Variants in ARHGAP10 observed in about 807,000 individuals in gnomAD.
The protein encoded by ARHGAP10 is rho GTPase-activating protein 10.
In ARHGAP10, 87 loss-of-function variants were observed where a neutral mutation model predicts 108.6. The ratio of observed to expected loss-of-function variants is 0.80; its 90% CI spans 0.67 to 0.96. The LOEUF is 0.96. Ranked by LOEUF, ARHGAP10 falls within the 40% of genes least tolerant of loss-of-function variation. ARHGAP10 has a pLI of 0.00. For synonymous variants in ARHGAP10, 347 were observed against 341.1 expected, an observed-to-expected ratio of 1.02 and a Z score of -0.19; for missense variants, 939 against 954.5, an observed-to-expected ratio of 0.98 and a Z score of 0.21.
chr4:148,056,567 C>G (rs1394503533), intron 20 of ARHGAP10, among the ~76,000 whole-genome samples: 1 of 151,712 alleles, frequency 6.6e-6, no homozygotes, highest in Non-Finnish European at 1.5e-5. Flanking sequence ...CACCCCACCT[C>G]CGGCTCTTAG....
chr4:148,046,564 T>C (rs1728893682), intron 19 of ARHGAP10, among the ~76,000 whole-genome samples: 1 of 152,218 alleles, frequency 6.6e-6, no homozygotes, highest in Non-Finnish European at 1.5e-5. Context: ...TGCTTGGAGC[T>C]ATTCTTGATT....
intron 3 of ARHGAP10, among the ~76,000 whole-genome samples, chr4:147,829,170 C>G (rs563176702): frequency 6.6e-6 from 1 of 152,180 alleles, no homozygotes; most frequent in South Asian, 2.1e-4. Context: ...CCTGCCTCAG[C>G]CTCCCGAGTA....
Position 147,881,932 on chromosome 4 carries a change from G to A in ARHGAP10, c.1034G>A (p.Arg345Gln), listed in dbSNP as rs759250334. The change falls in exon 10 of 23, where the codon CGG becomes CAG. Residue 345 changes from arginine to glutamine, a missense_variant and splice_region_variant. Coordinates refer to ENST00000336498, the MANE Select transcript of ARHGAP10 (RefSeq NM_024605.4). ...RFCFDIEAADRPGVSLTMQAF... is the reference protein window; with the variant it reads ...RFCFDIEAADQPGVSLTMQAF... ...TGTTTTGACATAGAAGCTGCTGATC[G>A]GTAAGTTATTGGAATTATTGGACAT... 1.5e-5 allele frequency: 25 copies of A among 1,613,356 alleles called. No individual in the cohort carries two copies. Among genetic ancestry groups the A allele is most frequent in the African/African-American group, 2.7e-5 (2 of 74,866 alleles).
chr4:147,941,434 G>C (rs1424493175), intron 14 of ARHGAP10, among the ~76,000 whole-genome samples: 1 of 152,108 alleles, frequency 6.6e-6, no homozygotes, highest in Non-Finnish European at 1.5e-5. Context: ...AACTTACAAG[G>C]TGTTTTTAAA....
intron 14 of ARHGAP10, among the ~76,000 whole-genome samples, chr4:147,943,340 C>A (rs904422373): frequency 6.6e-6 from 1 of 152,168 alleles, no homozygotes. Flanking sequence ...TACTTGAAAA[C>A]CATTACCTTG....
intron 5 of ARHGAP10, among the ~76,000 whole-genome samples, chr4:147,860,470 A>C (rs749447565): frequency 5.3e-5 from 8 of 150,872 alleles, no homozygotes; most frequent in Non-Finnish European, 8.9e-5. Context: ...CAAAACAAAA[A>C]AAACCAGGAG....
intron 4 of ARHGAP10, among the ~76,000 whole-genome samples, chr4:147,849,820 C>T (rs1259161354): frequency 1.3e-5 from 2 of 152,174 alleles, no homozygotes; most frequent in African/African-American, 4.8e-5. Context: ...TCTCCTTGAG[C>T]CCTATCTGTT....
At position 147,785,995 on chromosome 4, in the gene ARHGAP10, G is replaced by T. The variant is rs763462595; in HGVS notation, c.155-36732G>T. Reference sequence around the variant, plus strand: ...ACAGGTCAAACTTCTTTCTGATTTCGGGAAAATTGAGATTTGTGTGTTTAT... The same window carrying T: ...ACAGGTCAAACTTCTTTCTGATTTCTGGAAAATTGAGATTTGTGTGTTTAT... On this transcript the variant is annotated intron_variant, in intron 1 of 22. Coordinates refer to ENST00000336498, the MANE Select transcript of ARHGAP10 (RefSeq NM_024605.4). Among the ~76,000 whole-genome samples the T allele has an allele frequency of 2.0e-5, 3 of 152,102 alleles. No homozygotes were observed. In the East Asian group the frequency reaches 5.8e-4, roughly 29 times the overall value.
intron 20 of ARHGAP10, among the ~76,000 whole-genome samples, chr4:148,058,023 G>T (rs1021956): frequency 0.85 from 129,403 of 152,270 alleles, 55,226 homozygotes; most frequent in African/African-American, 0.92. Flanking sequence ...TGTGCTCGTG[G>T]GGAGCCAAAC....
intron 3 of ARHGAP10, among the ~76,000 whole-genome samples, chr4:147,837,377 C>T (rs1308331920): frequency 2.0e-5 from 3 of 152,288 alleles, no homozygotes; most frequent in Non-Finnish European, 4.4e-5. Flanking sequence ...TCTGGATTCT[C>T]AATTGCAAGC....
chr4:147,864,781 CCT>C, intron 5 of ARHGAP10, 63 bp from the exon 6 acceptor site: 1 of 1,441,014 alleles, frequency 6.9e-7, no homozygotes, highest in South Asian at 1.2e-5. Flanking sequence ...AGTGTGATGA[CCT>C]CTGATGTAGC....
chr4:147,784,668 T>TTATGAATATAAAA (rs1560756427), intron 1 of ARHGAP10, among the ~76,000 whole-genome samples: 59 of 1,944 alleles, frequency 0.03, 23 homozygotes, highest in Admixed American at 0.057. Flanking sequence ...AAAATATATA[T>TTATGAATATAAAA]TATATATTAT....
intron 18 of ARHGAP10, among the ~76,000 whole-genome samples, chr4:148,010,071 A>G (rs986304401): frequency 3.9e-5 from 6 of 152,194 alleles, no homozygotes; most frequent in Admixed American, 2.6e-4. Flanking sequence ...TAGTTTAAGT[A>G]TACAGTTTTT....
chr4:148,008,325 C>T (rs777169038), intron 18 of ARHGAP10, among the ~76,000 whole-genome samples: 11 of 151,954 alleles, frequency 7.2e-5, no homozygotes, highest in East Asian at 1.9e-4. Flanking sequence ...AAAACAAAGC[C>T]GGTGCTAACA....
At chr4:147,956,122 T>G (rs747114824) in intron 16 of ARHGAP10, among the ~76,000 whole-genome samples, 6 of 152,164 alleles carry the variant, frequency 3.9e-5, no homozygotes, top group Non-Finnish European at 7.4e-5. Flanking sequence ...ATAGGGAGCC[T>G]TATTTAAAAT....
intron 3 of ARHGAP10, among the ~76,000 whole-genome samples, chr4:147,829,395 G>C (rs995081489): frequency 2.6e-5 from 4 of 151,600 alleles, no homozygotes; most frequent in African/African-American, 9.7e-5. Context: ...CACCATGTTG[G>C]GCAGGCTGGT....
In ARHGAP10 at chr4:147,913,083, T is replaced by A. The variant is rs1281056784; in HGVS notation, c.1172T>A (p.Leu391Ter). Residue 391 changes from leucine (L) to a stop codon, truncating the protein, a stop_gained, in exon 13 of 23, where the codon TTG (leucine) becomes TAG (stop). Coordinates refer to ENST00000336498, the MANE Select transcript of ARHGAP10 (RefSeq NM_024605.4). LOFTEE classifies it high-confidence loss of function. ...IIPRPEGNAQ[L>*]DKMGFTIIRK... The stretch of plus-strand genomic sequence containing the variant: ...AAACTGTTTCTTGTAGATGCACAGT[T>A]GGATAAGATGGGGTTCACAATTATC... 6.2e-7 allele frequency: 1 copy of A among 1,613,646 alleles called. No individual in the cohort carries two copies. Among genetic ancestry groups the A allele is most frequent in the Non-Finnish European group, 8.5e-7 (1 of 1,179,560 alleles).
intron 4 of ARHGAP10, among the ~76,000 whole-genome samples, 155 bp from the exon 5 acceptor site, chr4:147,857,398 G>T (rs1178540392): frequency 6.6e-6 from 1 of 152,142 alleles, no homozygotes; most frequent in Non-Finnish European, 1.5e-5. Flanking sequence ...TAAGCAGTAG[G>T]CTTGGTACAG....
chr4:147,927,194 A>G (rs1737498263), intron 13 of ARHGAP10, among the ~76,000 whole-genome samples: 1 of 152,232 alleles, frequency 6.6e-6, no homozygotes, highest in Admixed American at 6.5e-5. Context: ...TAAATAACAA[A>G]GTTTAAAAGT....
Sources: allele counts gnomAD v4.1 joint callset (sites outside exome capture counted in the v4.1 genomes callset), GRCh38; gene constraint gnomAD v4.1.1; transcripts MANE v1.5; gene names NCBI Gene and HGNC (gene_info 2026-07-23, HGNC 2026-07-21).